DCAF13: variants seen among roughly 807,000 people sequenced by gnomAD.
DCAF13 encodes the protein DDB1 and CUL4 associated factor 13, also known as DDB1- and CUL4-associated factor 13.
Under a neutral mutation model 59.0 loss-of-function variants are expected in DCAF13, and 38 were observed. The ratio of observed to expected loss-of-function variants is 0.64; its 90% CI spans 0.50 to 0.84. The LOEUF (loss-of-function observed/expected upper bound fraction) is 0.84, where lower values mean the gene tolerates loss of function less well. Ranked by LOEUF, DCAF13 falls within the 40% of genes least tolerant of loss-of-function variation. The probability of loss-of-function intolerance (pLI) is 0.00; values close to 1 mark genes in which losing one functional copy is unlikely to be tolerated. For missense variants in DCAF13, 469 were observed against 558.4 expected (o/e 0.84, Z 1.61); for synonymous variants, 173 against 175.0 (o/e 0.99, Z 0.09).
chr8:103,424,981 G>A (rs1816770025), intron 3 of DCAF13, among the ~76,000 whole-genome samples: 2 of 152,148 alleles, frequency 1.3e-5, no homozygotes, highest in South Asian at 4.1e-4. Context: ...CTCAACAAAA[G>A]ACATCGCTGT....
intron 7 of DCAF13, among the ~76,000 whole-genome samples, chr8:103,433,744 C>T (rs1816896674): frequency 6.6e-6 from 1 of 151,888 alleles, no homozygotes; most frequent in Non-Finnish European, 1.5e-5. Flanking sequence ...GCCAACAGAA[C>T]AAGACCCTGG....
chr8:103,425,185 A>G (rs1563503351), intron 3 of DCAF13, among the ~76,000 whole-genome samples: 1 of 152,224 alleles, frequency 6.6e-6, no homozygotes. Context: ...CATCTAATAT[A>G]TAAATGTAAG....
At chr8:103,440,333 A>G in intron 9 of DCAF13, 62 bp downstream of exon 9, 2 of 1,149,548 alleles carry the variant, frequency 1.7e-6, no homozygotes, top group South Asian at 1.8e-5. Context: ...TAGATATTAC[A>G]TTATGAAAAT....
chr8:103,431,787 G>GT (rs894894830), intron 6 of DCAF13, among the ~76,000 whole-genome samples: 163 of 148,580 alleles, frequency 1.1e-3, no homozygotes, highest in East Asian at 6.9e-3. Context: ...CACTCATTCT[G>GT]TTTTTTTTTT....
At chr8:103,428,641 T>C (rs1816823704) in intron 5 of DCAF13, 1 of 152,150 alleles carries the variant, frequency 6.6e-6, no homozygotes, top group African/African-American at 2.4e-5. Flanking sequence ...AGTGTAAAAG[T>C]TGATAACATA....
intron 7 of DCAF13, among the ~76,000 whole-genome samples, chr8:103,433,885 C>T (rs1460319919): frequency 6.6e-6 from 1 of 151,812 alleles, no homozygotes; most frequent in African/African-American, 2.4e-5. Context: ...CAGTTAAAGG[C>T]AATAAAAGAC....
At position 103,435,728 on chromosome 8, in the gene DCAF13, G is replaced by C. The variant is rs1369000587; in HGVS notation, c.888G>C (p.Glu296Asp). 2 of 1,613,684 alleles carry C rather than the reference G, an allele frequency of 1.2e-6. No individual in the cohort carries two copies. Among genetic ancestry groups the C allele is most frequent in the Non-Finnish European group, 1.7e-6 (2 of 1,179,814 alleles). ...TGGATTACTCTCCCACTGGGAAGGA[G>C]TTTGTGTCTGCTAGTTTCGATAAAT... ...LDVDYSPTGK[E>D]FVSASFDKSI... The change falls in exon 8 of 11, where the codon GAG becomes GAC. Residue 296 changes from glutamate (E) to aspartate (D), a missense_variant. Physicochemically the swap from Glu to Asp is conservative, Grantham distance 45 (BLOSUM62 2). Coordinates refer to ENST00000612750, the MANE Select transcript of DCAF13 (RefSeq NM_015420.7).
At position 103,415,416 on chromosome 8, in the gene DCAF13, C is replaced by G. The variant is rs201710496; in HGVS notation, c.-31C>G. ...GGTGGGCGGAACTCCTAGCGGACAC[C>G]TCGTGGAGTCCGGCCGGAAGAGCAA... On this transcript the variant is annotated 5_prime_UTR_variant, in exon 1 of 11. Transcript: ENST00000612750. The G allele has an allele frequency of 5.1e-5, 83 of 1,614,130 alleles. No individual in the cohort carries two copies. The highest frequency in any genetic ancestry group is 6.4e-5 in the Non-Finnish European group (75 of 1,180,032).
intron 7 of DCAF13, among the ~76,000 whole-genome samples, chr8:103,435,365 C>CT (rs1288545607): frequency 2.1e-4 from 32 of 152,096 alleles, no homozygotes; most frequent in Admixed American, 2.0e-3. Context: ...TTGTACTCTA[C>CT]TTTTTTTGAA....
chr8:103,416,285 T>C (rs1437859645), intron 1 of DCAF13, among the ~76,000 whole-genome samples: 1 of 152,214 alleles, frequency 6.6e-6, no homozygotes, highest in Non-Finnish European at 1.5e-5. Flanking sequence ...TATCAACATG[T>C]GTGTGAGCAT....
At chr8:103,426,497 C>T (rs1323275996) in intron 4 of DCAF13, among the ~76,000 whole-genome samples, 16 of 151,958 alleles carry the variant, frequency 1.1e-4, no homozygotes, top group Admixed American at 1.0e-3. Context: ...TTACACAAAA[C>T]TCAGAATTTC....
intron 1 of DCAF13, among the ~76,000 whole-genome samples, chr8:103,416,162 G>A (rs1384562487): frequency 6.6e-6 from 1 of 152,154 alleles, no homozygotes; most frequent in Non-Finnish European, 1.5e-5. Flanking sequence ...TCTTCAGGCA[G>A]GAATGAACCT....
intron 3 of DCAF13, among the ~76,000 whole-genome samples, chr8:103,423,038 G>C (rs925079971): frequency 1.3e-5 from 2 of 152,146 alleles, no homozygotes; most frequent in Non-Finnish European, 2.9e-5. Context: ...AGCAGAATAG[G>C]CTACCTTGCA....
rs1159489554 is a variant in DCAF13 at position 103,418,866 on chromosome 8, ATTTTTTTTTTT to A, written c.71-1373_71-1363del. ...TATATATATATATATATATATATAT[ATTTTTTTTTTT>A]TTTTTTTTTTTTTTTTTTTTTTTTG... On this transcript the variant is annotated intron_variant, in intron 1 of 10. Coordinates refer to ENST00000612750, the MANE Select transcript of DCAF13 (RefSeq NM_015420.7). Among the ~76,000 whole-genome samples the A allele has an allele frequency of 2.2e-3, 86 of 38,420 alleles. 2 individuals are homozygous for A. The highest frequency in any genetic ancestry group is 7.1e-3 in the African/African-American group (72 of 10,120). The allele number at this position is 38,420 out of a possible 152,430, so 25.2% of individuals were successfully genotyped here. A position where few individuals can be genotyped will look rare whatever the true frequency, so the allele number is the denominator to read the frequency against.
At chr8:103,430,529 C>A in intron 5 of DCAF13, 83 bp from the exon 6 acceptor site, 1 of 835,866 alleles carries the variant, frequency 1.2e-6, no homozygotes, top group Non-Finnish European at 2.0e-6. Context: ...ATATTAAGGG[C>A]AATTAAATCA....
chr8:103,420,539 C>T (rs1586126327), intron 2 of DCAF13, 76 bp downstream of exon 2: 1 of 1,446,436 alleles, frequency 6.9e-7, no homozygotes, highest in East Asian at 2.5e-5. Flanking sequence ...TTTTTAGTTA[C>T]TGTAGGTTTT....
intron 7 of DCAF13, among the ~76,000 whole-genome samples, chr8:103,433,650 T>C (rs181153236): frequency 6.6e-6 from 1 of 152,176 alleles, no homozygotes; most frequent in East Asian, 1.9e-4. Context: ...AAAAGCATCT[T>C]TTATGACTTT....
chr8:103,431,745 A>G (rs368972577), intron 6 of DCAF13, among the ~76,000 whole-genome samples: 7 of 152,304 alleles, frequency 4.6e-5, no homozygotes, highest in East Asian at 1.9e-4. Context: ...AGTTTAATGA[A>G]TAGTCATTTC....
intron 6 of DCAF13, among the ~76,000 whole-genome samples, chr8:103,432,318 A>G (rs1816876728): frequency 6.6e-6 from 1 of 152,160 alleles, no homozygotes; most frequent in Non-Finnish European, 1.5e-5. Context: ...CTTTAGAAAC[A>G]GTTCTTTATG....
Sources: allele counts gnomAD v4.1 joint callset (sites outside exome capture counted in the v4.1 genomes callset), GRCh38; gene constraint gnomAD v4.1.1; transcripts MANE v1.5; gene names NCBI Gene and HGNC (gene_info 2026-07-23, HGNC 2026-07-21).